Variants in COL4A2 observed in about 807,000 individuals in gnomAD.
COL4A2 encodes the protein collagen alpha-2(IV) chain.
A neutral mutation model predicts 200.2 loss-of-function variants in COL4A2; 99 were observed. The observed-to-expected ratio is 0.49, with a 90% CI of 0.42 to 0.58. The LOEUF (loss-of-function observed/expected upper bound fraction) is 0.58, where lower values mean the gene tolerates loss of function less well. Among genes scored for constraint, COL4A2 ranks in the 20% least tolerant of loss-of-function variants. The pLI, the probability that COL4A2 is intolerant of heterozygous loss-of-function variation, is 0.00. For synonymous variants in COL4A2, 897 were observed against 900.6 expected (o/e 1.00, Z 0.07); for missense variants, 1,950 against 2,314.1 (o/e 0.84, Z 3.23).
chr13:110,458,705 T>C (rs997788991), intron 21 of COL4A2, 66 bp from the exon 22 acceptor site: 64 of 1,599,970 alleles, frequency 4.0e-5, no homozygotes, highest in Admixed American at 5.1e-5. Flanking sequence ...CGCTGCCTGA[T>C]ACCCCTCTCC....
intron 47 of COL4A2, among the ~76,000 whole-genome samples, chr13:110,509,270 T>TACACACACACAC (rs60333796): frequency 3.8e-4 from 44 of 115,574 alleles, no homozygotes; most frequent in African/African-American, 1.5e-3. Context: ...TATATATATA[T>TACACACACACAC]ACACACACAC....
intron 16 of COL4A2, 64 bp downstream of exon 16, chr13:110,439,897 A>G: frequency 6.4e-7 from 1 of 1,571,274 alleles, no homozygotes; most frequent in Non-Finnish European, 8.6e-7. Context: ...GGTTAAATAA[A>G]TAGGCCTTGG....
chr13:110,387,509 C>T (rs898564285), intron 4 of COL4A2, among the ~76,000 whole-genome samples: 3 of 152,172 alleles, frequency 2.0e-5, no homozygotes, highest in African/African-American at 4.8e-5. Context: ...AGCCAAGTGT[C>T]GGCCGCATTC....
At chr13:110,503,343 C>T in intron 42 of COL4A2, 40 bp from the exon 43 acceptor site, 1 of 1,587,218 alleles carries the variant, frequency 6.3e-7, no homozygotes, top group Non-Finnish European at 8.6e-7. Context: ...GCCCCCTCCC[C>T]ACAGACTTTC....
chr13:110,462,274 C>G lies in COL4A2; in HGVS notation c.1670-4C>G, dbSNP rs774236731. ...GGCAGCTTCACATGCAAATCCCTTT[C>G]TAGGTGAGCGGGGACAGCCCGGCGT... On this transcript the variant is annotated splice_region_variant and splice_polypyrimidine_tract_variant and intron_variant, in intron 23 of 47. Transcript: ENST00000360467. The G allele has an allele frequency of 1.9e-6, 3 of 1,614,136 alleles. No homozygotes were observed. The African/African-American group carries it at 4.0e-5, about 22-fold the overall frequency.
chr13:110,430,963 G>A (rs1880658374), intron 10 of COL4A2: 2 of 470,592 alleles, frequency 4.2e-6, no homozygotes, highest in South Asian at 3.2e-5. Flanking sequence ...GGAGGAAATG[G>A]AGGTCTGCCT....
intron 6 of COL4A2, among the ~76,000 whole-genome samples, chr13:110,427,058 A>G (rs1354805803): frequency 2.6e-5 from 4 of 152,250 alleles, no homozygotes; most frequent in Non-Finnish European, 4.4e-5. Flanking sequence ...ATGTGCAAAT[A>G]AAAGTTCTAC....
At chr13:110,471,768 A>C (rs1205567801) in intron 28 of COL4A2, among the ~76,000 whole-genome samples, 1 of 152,100 alleles carries the variant, frequency 6.6e-6, no homozygotes, top group Non-Finnish European at 1.5e-5. Flanking sequence ...TTTTGGTGGG[A>C]TACACCCCAC....
At position 110,355,292 on chromosome 13, in the gene COL4A2, T is replaced by TG. The variant is rs540547054; in HGVS notation, c.100-2176dup. ...GTGAGCCACTGCTCACCTGTTTGTG[T>TG]GGGGAGGGCTGCAGTAGCTCAACTG... On this transcript the variant is annotated intron_variant, in intron 3 of 47. Transcript: ENST00000360467. 1.1e-3 allele frequency among the ~76,000 whole-genome samples: 152 copies of TG among 137,892 alleles called. 3 individuals carry two copies. Among genetic ancestry groups the TG allele is most frequent in the African/African-American group, 4.8e-3 (144 of 30,184 alleles). The allele number at this position is 137,892 out of a possible 152,430, so 90.5% of individuals were successfully genotyped here.
intron 26 of COL4A2, 48 bp downstream of exon 26, chr13:110,466,110 T>C (rs1882230901): frequency 6.3e-7 from 1 of 1,587,580 alleles, no homozygotes; most frequent in Non-Finnish European, 8.6e-7. Context: ...GAACTCTCAT[T>C]TGGTCTGCTG....
At chr13:110,492,982 G>T (rs1278249320) in intron 38 of COL4A2, among the ~76,000 whole-genome samples, 19 of 152,150 alleles carry the variant, frequency 1.2e-4, no homozygotes, top group Non-Finnish European at 1.5e-5. Context: ...GAGTTATCTT[G>T]AGGGTTTCTC....
intron 11 of COL4A2, among the ~76,000 whole-genome samples, chr13:110,432,601 G>T (rs1880722086): frequency 6.6e-6 from 1 of 152,184 alleles, no homozygotes; most frequent in Non-Finnish European, 1.5e-5. Context: ...ATTACCACAT[G>T]CCTGTTGGTA....
intron 3 of COL4A2, among the ~76,000 whole-genome samples, chr13:110,340,507 A>G (rs1034228288): frequency 2.0e-5 from 3 of 152,244 alleles, no homozygotes; most frequent in African/African-American, 7.2e-5. Context: ...GAGGATGAGA[A>G]GACTTGAGAA....
chr13:110,471,860 T>C (rs1442789221), intron 28 of COL4A2, among the ~76,000 whole-genome samples: 1 of 152,156 alleles, frequency 6.6e-6, no homozygotes, highest in Non-Finnish European at 1.5e-5. Context: ...TCCCACAGAA[T>C]CACCTGCCAG....
At chr13:110,443,848 C>T (rs1457057088) in intron 16 of COL4A2, among the ~76,000 whole-genome samples, 1 of 152,124 alleles carries the variant, frequency 6.6e-6, no homozygotes, top group Admixed American at 6.5e-5. Context: ...GCCATCCCTG[C>T]GCCTCCCCGA....
At chr13:110,475,084 G>T (rs1427130358) in intron 29 of COL4A2, among the ~76,000 whole-genome samples, 1 of 152,216 alleles carries the variant, frequency 6.6e-6, no homozygotes, top group African/African-American at 2.4e-5. Context: ...ATACACACAC[G>T]TGCCTATGCA....
intron 20 of COL4A2, among the ~76,000 whole-genome samples, chr13:110,451,429 A>G (rs1358982827): frequency 2.0e-5 from 3 of 152,234 alleles, no homozygotes; most frequent in African/African-American, 7.2e-5. Flanking sequence ...AGACTGGGTA[A>G]CTTATTAAAG....
At chr13:110,501,528 C>G in intron 40 of COL4A2, 140 bp from the exon 41 acceptor site, 3 of 620,234 alleles carry the variant, frequency 4.8e-6, no homozygotes, top group Non-Finnish European at 5.5e-6. Flanking sequence ...ATGAGATGTT[C>G]CTTGGCCTGA....
intron 20 of COL4A2, among the ~76,000 whole-genome samples, chr13:110,451,215 A>G (rs928038765): frequency 3.3e-5 from 5 of 152,270 alleles, no homozygotes; most frequent in Non-Finnish European, 7.3e-5. Flanking sequence ...GCTTGCTGTC[A>G]GAAAAGGCTG....
Sources: gnomAD v4.1 joint callset for allele counts (sites outside exome capture counted in the v4.1 genomes callset) on GRCh38, gnomAD v4.1.1 for gene constraint, MANE v1.5 for transcripts, NCBI Gene and HGNC (gene_info 2026-07-23, HGNC 2026-07-21) for gene names.